The following RSPO3 variants were observed in gnomAD, a reference collection of about 807,000 sequenced individuals.
RSPO3 encodes R-spondin-3.
In RSPO3, 17 loss-of-function variants were observed where a neutral mutation model predicts 36.5. That is an observed-to-expected ratio of 0.47 (90% CI 0.32 to 0.70). The LOEUF (loss-of-function observed/expected upper bound fraction) is 0.70. Among genes scored for constraint, RSPO3 ranks in the 30% least tolerant of loss-of-function variants. The pLI is 0.04. For missense variants in RSPO3, 294 were observed against 322.5 expected (o/e 0.91, Z 0.68); for synonymous variants, 108 against 107.0 (o/e 1.01, Z -0.06).
intron 4 of RSPO3, among the ~76,000 whole-genome samples, chr6:127,190,002 A>T (rs1341790772): frequency 2.0e-5 from 3 of 152,192 alleles, no homozygotes; most frequent in Non-Finnish European, 2.9e-5. Context: ...ACATTTCTCA[A>T]TTTACTTGAT....
At chr6:127,186,653 A>G (rs575688530) in intron 4 of RSPO3, among the ~76,000 whole-genome samples, 2 of 152,290 alleles carry the variant, frequency 1.3e-5, no homozygotes, top group South Asian at 4.1e-4. Context: ...TCTGTACCAT[A>G]GGCAGTACTT....
intron 4 of RSPO3, among the ~76,000 whole-genome samples, chr6:127,194,662 G>A (rs1046502744): frequency 5.3e-5 from 8 of 152,110 alleles, no homozygotes; most frequent in African/African-American, 1.7e-4. Flanking sequence ...CTCCAATGCC[G>A]ACAGAATAAA....
chr6:127,188,765 C>A (rs1775348709), intron 4 of RSPO3, among the ~76,000 whole-genome samples: 1 of 152,136 alleles, frequency 6.6e-6, no homozygotes, highest in Non-Finnish European at 1.5e-5. Flanking sequence ...TGATAAGCAG[C>A]TTTTCCTTGC....
chr6:127,163,145 C>T (rs1774743982), intron 4 of RSPO3, among the ~76,000 whole-genome samples: 1 of 152,008 alleles, frequency 6.6e-6, no homozygotes, highest in African/African-American at 2.4e-5. Flanking sequence ...ATTCTGGACC[C>T]CCAAATGTAG....
chr6:127,155,506 C>T lies in RSPO3; in HGVS notation c.634+68C>T. ...ATCTGTTGCATTTTTCATTTTATTT[C>T]TTATGAAACACTTGGCATTATCTTT... On this transcript the variant is annotated intron_variant, in intron 4 of 4. Coordinates refer to ENST00000356698, the MANE Select transcript of RSPO3 (RefSeq NM_032784.5). 3 of 1,390,338 alleles carry T rather than the reference C, an allele frequency of 2.2e-6. No homozygotes were observed. In the African/African-American group the frequency reaches 4.3e-5, roughly 20 times the overall value. 86.1% of individuals were successfully genotyped at this position (1,390,338 alleles called of 1,614,324 possible).
chr6:127,178,221 T>C (rs1326303312), intron 4 of RSPO3, among the ~76,000 whole-genome samples: 1 of 151,822 alleles, frequency 6.6e-6, no homozygotes. Flanking sequence ...GGACAACAGC[T>C]AATAGTATCA....
chr6:127,129,838 A>G (rs1319355435), intron 1 of RSPO3, among the ~76,000 whole-genome samples: 1 of 152,076 alleles, frequency 6.6e-6, no homozygotes, highest in Non-Finnish European at 1.5e-5. Flanking sequence ...AAAGAACTCA[A>G]AGAATCTAGT....
intron 3 of RSPO3, among the ~76,000 whole-genome samples, chr6:127,153,676 A>C (rs1225846452): frequency 6.6e-6 from 1 of 152,108 alleles, no homozygotes; most frequent in African/African-American, 2.4e-5. Flanking sequence ...AGAGCACCGA[A>C]GTTCTGGTCA....
intron 1 of RSPO3, among the ~76,000 whole-genome samples, chr6:127,139,933 C>G (rs1467942607): frequency 2.7e-5 from 4 of 150,936 alleles, no homozygotes; most frequent in African/African-American, 9.8e-5. Flanking sequence ...TTTCTACTTG[C>G]GATTAGGAAA....
At chr6:127,134,814 G>T (rs891974696) in intron 1 of RSPO3, among the ~76,000 whole-genome samples, 2 of 152,114 alleles carry the variant, frequency 1.3e-5, no homozygotes, top group African/African-American at 4.8e-5. Flanking sequence ...TAAAGAAATT[G>T]AGGCTGAAAA....
chr6:127,176,636 T>C (rs146788733), intron 4 of RSPO3, among the ~76,000 whole-genome samples: 1 of 151,808 alleles, frequency 6.6e-6, no homozygotes, highest in East Asian at 1.9e-4. Flanking sequence ...CTTCATTTTA[T>C]GTGTCAACAG....
At chr6:127,155,895 C>T (rs368770735) in intron 4 of RSPO3, among the ~76,000 whole-genome samples, 2 of 111,426 alleles carry the variant, frequency 1.8e-5, no homozygotes, top group African/African-American at 7.0e-5. Flanking sequence ...TATATATACA[C>T]ACACACACAC....
intron 1 of RSPO3, among the ~76,000 whole-genome samples, chr6:127,124,926 A>T (rs1214735632): frequency 6.6e-6 from 1 of 152,084 alleles, no homozygotes; most frequent in Non-Finnish European, 1.5e-5. Context: ...ATTGCTAAGA[A>T]TCCCATTTTC....
At chr6:127,190,807 C>G (rs1278449262) in intron 4 of RSPO3, among the ~76,000 whole-genome samples, 1 of 152,156 alleles carries the variant, frequency 6.6e-6, no homozygotes, top group Non-Finnish European at 1.5e-5. Flanking sequence ...AAAGCAGCAG[C>G]TTTTATGAAG....
chr6:127,172,428 G>A (rs184285440), intron 4 of RSPO3, among the ~76,000 whole-genome samples: 2 of 151,696 alleles, frequency 1.3e-5, no homozygotes, highest in African/African-American at 4.8e-5. Context: ...GGACACTAAG[G>A]AGTTAGGGCA....
In RSPO3 at chr6:127,155,522, C is replaced by A. The variant is rs1774578712; in HGVS notation, c.634+84C>A. The A allele has an allele frequency of 3.4e-6, 4 of 1,193,834 alleles. No homozygotes were observed. The African/African-American group carries it at 4.6e-5, about 14-fold the overall frequency. 74.0% of individuals were successfully genotyped at this position (1,193,834 alleles called of 1,614,324 possible). A position where few individuals can be genotyped will look rare whatever the true frequency, so the allele number is the denominator to read the frequency against. On this transcript the variant is annotated intron_variant, in intron 4 of 4. Coordinates refer to ENST00000356698, the MANE Select transcript of RSPO3 (RefSeq NM_032784.5). ...ATTTTATTTCTTATGAAACACTTGG[C>A]ATTATCTTTCATGCCTAATATCCTA... is the stretch of plus-strand genomic sequence containing the variant.
intron 1 of RSPO3, among the ~76,000 whole-genome samples, chr6:127,136,590 CT>C (rs1472605908): frequency 1.3e-5 from 2 of 152,104 alleles, no homozygotes; most frequent in Non-Finnish European, 2.9e-5. Context: ...TCTCAACACC[CT>C]TTTGGAATGG....
intron 1 of RSPO3, among the ~76,000 whole-genome samples, chr6:127,126,166 G>A (rs1488069604): frequency 6.6e-6 from 1 of 152,038 alleles, no homozygotes; most frequent in Non-Finnish European, 1.5e-5. Flanking sequence ...GGTCTTGTTG[G>A]AAATCTGTTT....
chr6:127,121,491 C>T (rs962789841), intron 1 of RSPO3, among the ~76,000 whole-genome samples: 22 of 152,178 alleles, frequency 1.4e-4, no homozygotes, highest in Admixed American at 1.0e-3. Flanking sequence ...GACTGGGAGA[C>T]AGCACCCACA....
Sources: allele counts gnomAD v4.1 joint callset (sites outside exome capture counted in the v4.1 genomes callset), GRCh38; gene constraint gnomAD v4.1.1; transcripts MANE v1.5; gene names NCBI Gene and HGNC (gene_info 2026-07-23, HGNC 2026-07-21).